Variants in KCNMA1 observed in about 807,000 individuals in gnomAD.
KCNMA1 encodes the protein potassium calcium-activated channel subfamily M alpha 1, also known as Calcium-activated potassium channel subunit alpha-1.
A neutral mutation model predicts 140.0 loss-of-function variants in KCNMA1; 29 were observed. That is an observed-to-expected ratio of 0.21 (90% confidence interval 0.15 to 0.28). The LOEUF is 0.28. KCNMA1 is among the 10% of genes least tolerant of loss of function. The pLI, the probability that KCNMA1 is intolerant of heterozygous loss-of-function variation, is 1.00. For synonymous variants in KCNMA1, 612 were observed against 611.9 expected (o/e 1.00, Z 0.00); for missense variants, 880 against 1,602.2 (o/e 0.55, Z 7.70).
intron 1 of KCNMA1, among the ~76,000 whole-genome samples, chr10:77,438,060 T>G (rs1240758770): frequency 6.6e-6 from 1 of 152,048 alleles, no homozygotes; most frequent in Non-Finnish European, 1.5e-5. Context: ...TTTGGTTTAA[T>G]TTTAATTTTT....
downstream of KCNMA1, among the ~76,000 whole-genome samples, chr10:76,883,424 A>G (rs1052314454): frequency 1.7e-4 from 26 of 152,190 alleles, no homozygotes; most frequent in African/African-American, 6.3e-4. Context: ...AACTGTGTGT[A>G]TAAGAGTCCA....
At chr10:77,493,730 C>T (rs2040783169) in intron 1 of KCNMA1, 2 of 152,206 alleles carry the variant, frequency 1.3e-5, no homozygotes, top group Admixed American at 1.3e-4. Flanking sequence ...CCCAGTGGCT[C>T]ATGGTCATAG....
intron 19 of KCNMA1, among the ~76,000 whole-genome samples, chr10:76,993,312 A>G (rs1280190966): frequency 6.6e-6 from 1 of 152,218 alleles, no homozygotes; most frequent in African/African-American, 2.4e-5. Flanking sequence ...GTGGTAGTGG[A>G]TGCAGCCGAG....
chr10:77,167,221 G>A (rs2098653199), intron 5 of KCNMA1, among the ~76,000 whole-genome samples: 2 of 151,842 alleles, frequency 1.3e-5, no homozygotes, highest in Non-Finnish European at 2.9e-5. Context: ...ATGAGAACAC[G>A]CAATATTTGT....
intron 1 of KCNMA1, among the ~76,000 whole-genome samples, chr10:77,564,629 C>T (rs1030976445): frequency 2.0e-5 from 3 of 152,168 alleles, no homozygotes; most frequent in Non-Finnish European, 2.9e-5. Context: ...TTCATGCATG[C>T]CCCTTCCCAA....
At chr10:77,455,158 C>T (rs1441335571) in intron 1 of KCNMA1, among the ~76,000 whole-genome samples, 1 of 152,152 alleles carries the variant, frequency 6.6e-6, no homozygotes, top group Non-Finnish European at 1.5e-5. Context: ...GAGTACCTAC[C>T]ATGTGCTTGG....
chr10:77,494,521 G>A (rs921868086), intron 1 of KCNMA1, among the ~76,000 whole-genome samples: 4 of 152,182 alleles, frequency 2.6e-5, no homozygotes, highest in Non-Finnish European at 5.9e-5. Flanking sequence ...ATTGGCAGCC[G>A]CTGCTCACAG....
intron 2 of KCNMA1, among the ~76,000 whole-genome samples, chr10:77,325,625 C>G (rs2083882072): frequency 6.6e-6 from 1 of 152,210 alleles, no homozygotes; most frequent in Admixed American, 6.5e-5. Context: ...CTGGGCCCAT[C>G]CCCATTCCTC....
rs2063503414 is a variant in KCNMA1, at chr10:76,944,900, G to A, written c.2775C>T (p.Ile925=). The change falls in exon 23 of 28, where the codon ATC becomes ATT. Residue 925 remains isoleucine (I), a synonymous_variant. Coordinates refer to ENST00000286628, the MANE Select transcript of KCNMA1 (RefSeq NM_001161352.2). The stretch of plus-strand genomic sequence containing the variant: ...CAATATTATTCTGATTGGCTGACAG[G>A]ATAACGCACATGTCACAGAGGTTGA... The part of the protein sequence containing the change: ...VNINLCDMCV[I]LSANQNNIDD... 6.2e-7 allele frequency: 1 copy of A among 1,613,796 alleles called. No homozygotes were observed.
intron 1 of KCNMA1, among the ~76,000 whole-genome samples, chr10:77,535,861 G>C (rs1235183463): frequency 6.6e-6 from 1 of 152,218 alleles, no homozygotes; most frequent in Non-Finnish European, 1.5e-5. Flanking sequence ...CAAGAGAGTA[G>C]AATGGTAGTT....
chr10:77,445,138 A>G (rs552999819), intron 1 of KCNMA1, among the ~76,000 whole-genome samples: 2 of 152,212 alleles, frequency 1.3e-5, no homozygotes, highest in African/African-American at 4.8e-5. Flanking sequence ...AGGTTTGTTC[A>G]TGTTCAGAAA....
intron 2 of KCNMA1, among the ~76,000 whole-genome samples, chr10:77,395,313 GCA>G: frequency 6.6e-6 from 1 of 151,964 alleles, no homozygotes; most frequent in Non-Finnish European, 1.5e-5. Flanking sequence ...TTGCACCAAT[GCA>G]CTCCAGCCTG....
chr10:77,248,593 T>C (rs895414540), intron 3 of KCNMA1, among the ~76,000 whole-genome samples: 3 of 152,208 alleles, frequency 2.0e-5, no homozygotes, highest in Non-Finnish European at 4.4e-5. Context: ...AATACCCAGA[T>C]GGCCAGCCAA....
rs1437083657 is a variant in KCNMA1 at position 77,113,186 on chromosome 10, C to A, written c.885-744G>T. Among the ~76,000 whole-genome samples the A allele has an allele frequency of 1.3e-5, 2 of 150,184 alleles. 1 individual carries two copies. The highest frequency in any genetic ancestry group is 4.3e-4 in the South Asian group (2 of 4,694). On this transcript the variant is annotated intron_variant, in intron 6 of 27. Transcript: ENST00000286628. ...AGTAAATATTTTAGGCTTTACAGGC[C>A]ATATAGACATTGTCACAAATACTCA...
intron 1 of KCNMA1, among the ~76,000 whole-genome samples, chr10:77,450,682 A>T (rs2097629969): frequency 6.6e-6 from 1 of 152,186 alleles, no homozygotes; most frequent in South Asian, 2.1e-4. Context: ...ACCACCAGTC[A>T]TGTCCAGCCT....
chr10:77,556,771 G>C (rs1248572), intron 1 of KCNMA1, among the ~76,000 whole-genome samples: 1 of 151,764 alleles, frequency 6.6e-6, no homozygotes, highest in Non-Finnish European at 1.5e-5. Context: ...TCTTCCCTCC[G>C]CACACAATAG....
intron 2 of KCNMA1, among the ~76,000 whole-genome samples, chr10:77,253,398 C>T (rs1327812225): frequency 6.6e-6 from 1 of 152,214 alleles, no homozygotes; most frequent in African/African-American, 2.4e-5. Flanking sequence ...ATGGCATCTA[C>T]ATCATTCTGT....
chr10:77,153,692 C>G (rs555641808), intron 5 of KCNMA1, among the ~76,000 whole-genome samples: 2 of 152,236 alleles, frequency 1.3e-5, no homozygotes, highest in Middle Eastern at 3.4e-3. Flanking sequence ...CCCAAACCCA[C>G]CCTGATGATT....
intron 2 of KCNMA1, among the ~76,000 whole-genome samples, chr10:77,286,186 A>G (rs1460534719): frequency 6.6e-6 from 1 of 152,164 alleles, no homozygotes; most frequent in African/African-American, 2.4e-5. Flanking sequence ...ACTACCACAA[A>G]TGGAAAGCCC....
Sources: allele counts gnomAD v4.1 joint callset (sites outside exome capture counted in the v4.1 genomes callset), GRCh38; gene constraint gnomAD v4.1.1; transcripts MANE v1.5; gene names NCBI Gene and HGNC (gene_info 2026-07-23, HGNC 2026-07-21).